The following CASZ1 variants were observed in gnomAD, a reference collection of about 807,000 sequenced individuals.
The protein encoded by CASZ1 is zinc finger protein castor homolog 1.
A neutral mutation model predicts 135.2 loss-of-function variants in CASZ1; 28 were observed. The ratio of observed to expected loss-of-function variants is 0.21; its 90% CI spans 0.15 to 0.28. The LOEUF (loss-of-function observed/expected upper bound fraction) is 0.28, where lower values mean the gene tolerates loss of function less well. Ranked by LOEUF, CASZ1 falls within the 10% of genes least tolerant of loss-of-function variation. The pLI is 1.00. For missense variants in CASZ1, 2,161 were observed against 2,453.3 expected, an observed-to-expected ratio of 0.88 and a Z score of 2.52; for synonymous variants, 1,068 against 1,073.4, an observed-to-expected ratio of 0.99 and a Z score of 0.10.
intron 9 of CASZ1, 45 bp downstream of exon 9, chr1:10,655,604 G>T (rs1490665315): frequency 5.7e-6 from 9 of 1,566,358 alleles, no homozygotes; most frequent in Non-Finnish European, 7.8e-6. Context: ...GGGAGGGCCT[G>T]GGCCAGTCCT....
intron 5 of CASZ1, among the ~76,000 whole-genome samples, chr1:10,664,352 C>T (rs886211543): frequency 1.3e-5 from 2 of 152,062 alleles, no homozygotes; most frequent in African/African-American, 2.4e-5. Flanking sequence ...CCACCCTCCC[C>T]TGAGCAGAAG....
At chr1:10,736,461 G>A (rs773442479) in intron 2 of CASZ1, among the ~76,000 whole-genome samples, 14 of 152,158 alleles carry the variant, frequency 9.2e-5, no homozygotes, top group South Asian at 2.1e-4. Flanking sequence ...GGATGGAGCC[G>A]GGCTTGTTGT....
In CASZ1 at chr1:10,759,053, C is replaced by T. The variant is rs1212112640; in HGVS notation, c.-77+1648G>A. ...AATGGAAACTTCAGAAAGGGAAAAA[C>T]GAATAGGCGTGTTTTGCCCAGGCAA... On this transcript the variant is annotated intron_variant, in intron 2 of 20. Coordinates refer to ENST00000377022, the MANE Select transcript of CASZ1 (RefSeq NM_001079843.3). The surrounding 1 kb of genome is among the most constrained non-coding windows in gnomAD (Gnocchi z 4.2). Among the ~76,000 whole-genome samples the T allele has an allele frequency of 6.6e-6, 1 of 152,168 alleles. No individual in the cohort carries two copies. Among genetic ancestry groups the T allele is most frequent in the Non-Finnish European group, 1.5e-5 (1 of 68,030 alleles).
In CASZ1 at chr1:10,697,076, T is replaced by A. The variant is rs896446106; in HGVS notation, c.-23-3164A>T. Among the ~76,000 whole-genome samples, 1 of 152,204 alleles carries A rather than the reference T, an allele frequency of 6.6e-6. No individual in the cohort carries two copies. The highest frequency in any genetic ancestry group is 2.4e-5 in the African/African-American group (1 of 41,452). The stretch of plus-strand genomic sequence containing the variant: ...AGGTAGCCACAGGCTGAGTGGGCCC[T>A]GCCCAAGAGGAAAAGGCCTTCAGTG... On this transcript the variant is annotated intron_variant, in intron 3 of 20. Transcript: ENST00000377022. The surrounding 1 kb of genome is among the most constrained non-coding windows in gnomAD (Gnocchi z 4.7).
chr1:10,696,355 C>T (rs1189911572), intron 3 of CASZ1, among the ~76,000 whole-genome samples: 2 of 152,224 alleles, frequency 1.3e-5, no homozygotes, highest in East Asian at 3.8e-4. Context: ...AGAAACCTTA[C>T]TGAGCTGCCC....
chr1:10,705,920 C>A (rs1369911559), intron 2 of CASZ1, among the ~76,000 whole-genome samples: 2 of 152,244 alleles, frequency 1.3e-5, no homozygotes, highest in African/African-American at 2.4e-5. Context: ...GGAGCTGCAG[C>A]GGCCTAGCAG....
chr1:10,714,484 G>C (rs929626585), intron 2 of CASZ1, among the ~76,000 whole-genome samples: 5 of 152,158 alleles, frequency 3.3e-5, no homozygotes, highest in Non-Finnish European at 2.9e-5. Context: ...TCCAACGACC[G>C]GCCCTCCCAG....
chr1:10,641,933 G>A, intron 20 of CASZ1: 1 of 152,702 alleles, frequency 6.5e-6, no homozygotes, highest in Non-Finnish European at 1.5e-5. Context: ...CCTTGGCCTG[G>A]CTGGCTGCAG....
At chr1:10,649,229 G>A (rs1270910793) in intron 14 of CASZ1, 37 bp from the exon 15 acceptor site, 37 of 1,609,844 alleles carry the variant, frequency 2.3e-5, no homozygotes, top group Non-Finnish European at 3.1e-5. Context: ...AGAGCCTGGG[G>A]CTCCAGGGCG....
intron 4 of CASZ1, among the ~76,000 whole-genome samples, chr1:10,670,527 T>C (rs1035362904): frequency 6.6e-6 from 1 of 152,232 alleles, no homozygotes; most frequent in Non-Finnish European, 1.5e-5. Flanking sequence ...GCTGGTGTCC[T>C]TTCAACAACC....
At position 10,666,730 on chromosome 1, in the gene CASZ1, G is replaced by A. The variant is rs1643248249; in HGVS notation, c.17-1159C>T. Among the ~76,000 whole-genome samples the A allele has an allele frequency of 6.6e-6, 1 of 152,200 alleles. No homozygotes were observed. Among genetic ancestry groups the A allele is most frequent in the Non-Finnish European group, 1.5e-5 (1 of 68,022 alleles). ...CACCGAGGGTCCTGGGGGGGCATAC[G>A]GCAAGCCCACCCACCACACAGCCTG... On this transcript the variant is annotated intron_variant, in intron 4 of 20. Coordinates refer to ENST00000377022, the MANE Select transcript of CASZ1 (RefSeq NM_001079843.3). The surrounding 1 kb of genome is among the most constrained non-coding windows in gnomAD (Gnocchi z 5.2).
At chr1:10,644,354 G>C (rs955005887) in intron 18 of CASZ1, among the ~76,000 whole-genome samples, 3 of 152,072 alleles carry the variant, frequency 2.0e-5, no homozygotes, top group East Asian at 1.9e-4. Flanking sequence ...CCGGGTCACG[G>C]GTGCTCCAGC....
At position 10,758,621 on chromosome 1, in the gene CASZ1, C is replaced by T. The variant is rs963761878; in HGVS notation, c.-77+2080G>A. Among the ~76,000 whole-genome samples the T allele has an allele frequency of 4.6e-5, 7 of 152,096 alleles. No individual in the cohort carries two copies. In the East Asian group the frequency reaches 1.2e-3, roughly 25 times the overall value. ...TGCTGGGATTACAGGCTTGAGCCAC[C>T]GCACCTGGCCCCAGACCCTCTGTAC... On this transcript the variant is annotated intron_variant, in intron 2 of 20. Coordinates refer to ENST00000377022, the MANE Select transcript of CASZ1 (RefSeq NM_001079843.3).
intron 5 of CASZ1, among the ~76,000 whole-genome samples, chr1:10,661,897 ACATATGCATTCT>A (rs1299850442): frequency 6.6e-6 from 1 of 151,854 alleles, no homozygotes; most frequent in Admixed American, 6.6e-5. Flanking sequence ...CATACAACAC[ACATATGCATTCT>A]CATACACTCT....
Position 10,727,886 on chromosome 1 carries a change from G to T in CASZ1, c.-76-22342C>A, listed in dbSNP as rs1256828606. Among the ~76,000 whole-genome samples the T allele has an allele frequency of 6.6e-6, 1 of 152,214 alleles. No homozygotes were observed. The highest frequency in any genetic ancestry group is 1.5e-5 in the Non-Finnish European group (1 of 68,032). On this transcript the variant is annotated intron_variant, in intron 2 of 20. Coordinates refer to ENST00000377022, the MANE Select transcript of CASZ1 (RefSeq NM_001079843.3). This position sits in a 1 kb window ranked among gnomAD's most constrained non-coding sequence, Gnocchi z 5.3. ...GAGTGTTGGGGGTGAGCTGGGGGGAGAACTCAGGCTTGCCATGCCCCGGCA... is the reference window on the plus strand; with the variant it reads ...GAGTGTTGGGGGTGAGCTGGGGGGATAACTCAGGCTTGCCATGCCCCGGCA...
rs998349031 is a variant in CASZ1 at position 10,726,422 on chromosome 1, A to G, written c.-76-20878T>C. ...AAGATGCTATGAAATACTCATGGCCATCACAGTCCTCCTGGCTGGAGCCGG... is the reference window on the plus strand; with the variant it reads ...AAGATGCTATGAAATACTCATGGCCGTCACAGTCCTCCTGGCTGGAGCCGG... On this transcript the variant is annotated intron_variant, in intron 2 of 20. Transcript: ENST00000377022. The surrounding 1 kb of genome is among the most constrained non-coding windows in gnomAD (Gnocchi z 5.7). 1.4e-4 allele frequency among the ~76,000 whole-genome samples: 22 copies of G among 152,324 alleles called. No individual in the cohort carries two copies. Among genetic ancestry groups the G allele is most frequent in the African/African-American group, 5.1e-4 (21 of 41,580 alleles).
At chr1:10,795,952 C>T (rs1038766548) in intron 1 of CASZ1, among the ~76,000 whole-genome samples, 1 of 152,080 alleles carries the variant, frequency 6.6e-6, no homozygotes, top group Non-Finnish European at 1.5e-5. Context: ...AGGGGTTCCC[C>T]ACCCACCCCT....
chr1:10,713,896 C>T (rs1022023406), intron 2 of CASZ1, among the ~76,000 whole-genome samples: 2 of 152,254 alleles, frequency 1.3e-5, no homozygotes, highest in African/African-American at 4.8e-5. Flanking sequence ...GCTCCACCAC[C>T]GTCTGACCCA....
In CASZ1 at chr1:10,653,245, G is replaced by T. The variant is rs76394298; in HGVS notation, c.2680+132C>A. The stretch of plus-strand genomic sequence containing the variant: ...ATGGGGGCGAAGATCAGGCAAAGAG[G>T]GGGTGCTGGCAAGCAGGGGCCACAC... On this transcript the variant is annotated intron_variant, in intron 11 of 20. Coordinates refer to ENST00000377022, the MANE Select transcript of CASZ1 (RefSeq NM_001079843.3). The T allele has an allele frequency of 3.7e-4, 362 of 968,200 alleles. 1 individual carries two copies. In the African/African-American group the frequency reaches 5.1e-3, roughly 14 times the overall value. The allele number at this position is 968,200 out of a possible 1,614,324, so 60.0% of individuals were successfully genotyped here. A position where few individuals can be genotyped will look rare whatever the true frequency, so the allele number is the denominator to read the frequency against.
Sources: allele counts gnomAD v4.1 joint callset (sites outside exome capture counted in the v4.1 genomes callset), GRCh38; gene constraint gnomAD v4.1.1; non-coding constraint Gnocchi (gnomAD v3.1); transcripts MANE v1.5; gene names NCBI Gene and HGNC (gene_info 2026-07-23, HGNC 2026-07-21).